Variants in PITPNM2 observed in about 807,000 individuals in gnomAD.
PITPNM2 encodes the protein phosphatidylinositol transfer protein membrane associated 2.
In PITPNM2, 35 loss-of-function variants were observed where a neutral mutation model predicts 132.2. The observed-to-expected ratio is 0.26, with a 90% CI of 0.20 to 0.35. The LOEUF (loss-of-function observed/expected upper bound fraction) is 0.35, where lower values mean the gene tolerates loss of function less well. Among genes scored for constraint, PITPNM2 ranks in the 10% least tolerant of loss-of-function variants. The pLI is 1.00. For missense variants in PITPNM2, 1,332 were observed against 1,912.0 expected (o/e 0.70, Z 5.66); for synonymous variants, 738 against 799.2 (o/e 0.92, Z 1.29).
chr12:123,032,921 G>T (rs2040144147), intron 3 of PITPNM2, among the ~76,000 whole-genome samples: 1 of 152,178 alleles, frequency 6.6e-6, no homozygotes, highest in Non-Finnish European at 1.5e-5. Context: ...CCCAGCCAAG[G>T]CTCCCACATA....
intron 1 of PITPNM2, among the ~76,000 whole-genome samples, chr12:123,118,484 T>A (rs551635841): frequency 1.3e-5 from 2 of 152,232 alleles, no homozygotes; most frequent in Non-Finnish European, 2.9e-5. Flanking sequence ...GAGTAAAATC[T>A]TAGCTGTGTG....
At chr12:123,067,338 C>T (rs1267606845) in intron 2 of PITPNM2, among the ~76,000 whole-genome samples, 1 of 152,088 alleles carries the variant, frequency 6.6e-6, no homozygotes, top group Non-Finnish European at 1.5e-5. Flanking sequence ...TGCTTGTAAT[C>T]CCAGCTACTC....
In PITPNM2 at chr12:122,990,601, A is replaced by G. The variant is rs1180237969; in HGVS notation, c.2513T>C (p.Ile838Thr). The change falls in exon 17 of 26, where the codon ATC becomes ACC. Residue 838 changes from isoleucine (I) to threonine (T), a missense_variant. Around this residue, in one of 6 missense-constraint regions of PITPNM2, gnomAD observed 710 missense variants for 911.5 expected, o/e 0.78. Transcript: ENST00000320201. Reference protein sequence around the residue: ...RGFRRASEISIASQVSGMAES... With the variant: ...RGFRRASEISTASQVSGMAES... ...AGCCATGCCTGACACCTGGCTGGCGATGCTGATCTCACTGGCTCGGCGGAA... is the reference window on the plus strand; with the variant it reads ...AGCCATGCCTGACACCTGGCTGGCGGTGCTGATCTCACTGGCTCGGCGGAA... 6.2e-7 allele frequency: 1 copy of G among 1,612,790 alleles called. No individual in the cohort carries two copies. Among genetic ancestry groups the G allele is most frequent in the Admixed American group, 1.7e-5 (1 of 60,018 alleles).
At chr12:122,995,113 T>A in intron 14 of PITPNM2, 134 bp from the exon 15 acceptor site, 1 of 1,076,870 alleles carries the variant, frequency 9.3e-7, no homozygotes, top group Non-Finnish European at 1.3e-6. Context: ...CTGGACCACC[T>A]GCCCCTGGTC....
intron 1 of PITPNM2, among the ~76,000 whole-genome samples, chr12:123,148,456 G>A (rs377545023): frequency 1.2e-4 from 18 of 152,090 alleles, no homozygotes; most frequent in African/African-American, 3.1e-4. Flanking sequence ...AGTACCAGAC[G>A]TTTCCTCTGC....
chr12:123,134,056 C>T (rs1727316), intron 1 of PITPNM2, among the ~76,000 whole-genome samples: 95,817 of 152,010 alleles, frequency 0.63, 35,050 homozygotes, highest in East Asian at 0.97. Context: ...ATATCTCCAA[C>T]CAGGAGCTAC....
intron 2 of PITPNM2, among the ~76,000 whole-genome samples, chr12:123,060,145 T>A (rs372738247): frequency 3.0e-4 from 46 of 152,126 alleles, no homozygotes; most frequent in Admixed American, 1.9e-3. Flanking sequence ...GTTTTCCATG[T>A]TGACCTTTAT....
At chr12:122,999,941 T>A (rs2136151495) in intron 10 of PITPNM2, among the ~76,000 whole-genome samples, 1 of 152,274 alleles carries the variant, frequency 6.6e-6, no homozygotes. Flanking sequence ...GGGAAAGGGA[T>A]CCGTTTGCTT....
intron 3 of PITPNM2, 194 bp downstream of exon 3, chr12:123,034,319 T>A: frequency 3.7e-6 from 2 of 535,378 alleles, no homozygotes; most frequent in Non-Finnish European, 3.3e-6. Flanking sequence ...TCTGATGCCG[T>A]GCGCCCATGG....
chr12:123,056,519 G>A (rs1212510328), intron 2 of PITPNM2, among the ~76,000 whole-genome samples: 3 of 152,190 alleles, frequency 2.0e-5, no homozygotes, highest in African/African-American at 7.2e-5. Flanking sequence ...CATGGGCCTG[G>A]GTCAGGTTCT....
chr12:122,997,537 G>A lies in PITPNM2; in HGVS notation c.1260C>T (p.Ser420=), dbSNP rs1054762094. 7 of 1,612,828 alleles carry A rather than the reference G, an allele frequency of 4.3e-6. No homozygotes were observed. In the African/African-American group the frequency reaches 9.3e-5, roughly 22 times the overall value. The change falls in exon 11 of 26, where the codon TCC becomes TCT. Residue 420 remains serine (S), a synonymous_variant. Transcript: ENST00000320201. ...EVSQPLAAPP[S]KIHVLLLVLH... ...GCACCAGTAGCAGCACGTGGATCTT[G>A]GAGGGCGGTGCAGCCAGCGGCTGGC...
Position 123,108,964 on chromosome 12 carries a change from G to A in PITPNM2, c.-96+1421C>T, listed in dbSNP as rs553356947. ...GCCATGTGCTTCCAGGTCTAGACTC[G>A]GGGTCCAATCCCAATCCCACCACTG... On this transcript the variant is annotated intron_variant, in intron 2 of 25. Transcript: ENST00000320201. The surrounding 1 kb of genome is among the most constrained non-coding windows in gnomAD (Gnocchi z 4.4). Among the ~76,000 whole-genome samples, 7 of 152,264 alleles carry A rather than the reference G, an allele frequency of 4.6e-5. No homozygotes were observed. The highest frequency in any genetic ancestry group is 3.3e-4 in the Admixed American group (5 of 15,298).
At chr12:123,055,965 T>G (rs2041012414) in intron 2 of PITPNM2, among the ~76,000 whole-genome samples, 1 of 152,160 alleles carries the variant, frequency 6.6e-6, no homozygotes, top group Non-Finnish European at 1.5e-5. Flanking sequence ...GTGGCACCTT[T>G]TTATGATGTG....
chr12:123,027,891 C>T (rs2039923252), intron 3 of PITPNM2, among the ~76,000 whole-genome samples: 3 of 152,248 alleles, frequency 2.0e-5, no homozygotes, highest in Non-Finnish European at 4.4e-5. Flanking sequence ...CAGGCCCCTC[C>T]TGGCACAGCT....
rs1484978189 is a variant in PITPNM2 at position 123,150,076 on chromosome 12, G to A, written c.-200+677C>T. On this transcript the variant is annotated intron_variant, in intron 1 of 25. Coordinates refer to ENST00000320201, the MANE Select transcript of PITPNM2 (RefSeq NM_020845.3). The surrounding 1 kb of genome is among the most constrained non-coding windows in gnomAD (Gnocchi z 6.0). ...GCACCGCGCGCACTATGTTCACCTG[G>A]AGTGGCCGTTTGGGATTTCTTGCGG... The A allele has an allele frequency of 1.3e-5, 2 of 152,794 alleles. No individual in the cohort carries two copies. The highest frequency in any genetic ancestry group is 2.9e-5 in the Non-Finnish European group (2 of 68,556). The allele number at this position is 152,794 out of a possible 1,614,324, so 9.5% of individuals were successfully genotyped here.
intron 3 of PITPNM2, among the ~76,000 whole-genome samples, chr12:123,025,360 G>A (rs2039819432): frequency 6.6e-6 from 1 of 151,932 alleles, no homozygotes; most frequent in Admixed American, 6.5e-5. Context: ...TCTGGGTGAG[G>A]CCATAGGTGA....
At chr12:123,062,688 T>C (rs2041282779) in intron 2 of PITPNM2, among the ~76,000 whole-genome samples, 1 of 152,176 alleles carries the variant, frequency 6.6e-6, no homozygotes, top group Non-Finnish European at 1.5e-5. Context: ...ATAAAGACTA[T>C]AAATAGCCTC....
chr12:122,989,807 G>C lies in PITPNM2; in HGVS notation c.2711C>G (p.Pro904Arg). Reference protein sequence around the residue: ...SPGLERAPGLPELDIGEVAAK... With the variant: ...SPGLERAPGLRELDIGEVAAK... The stretch of plus-strand genomic sequence containing the variant: ...GGTACCTTCTCCAATGTCCAGCTCA[G>C]GGAGGCCAGGGGCCCTCTCCAGGCC... The change falls in exon 18 of 26, where the codon CCT becomes CGT. Residue 904 changes from proline (P) to arginine (R), a missense_variant. Coordinates refer to ENST00000320201, the MANE Select transcript of PITPNM2 (RefSeq NM_020845.3). 2.1e-6 allele frequency: 3 copies of C among 1,407,514 alleles called. No homozygotes were observed. The highest frequency in any genetic ancestry group is 2.8e-6 in the Non-Finnish European group (3 of 1,077,510). The allele number at this position is 1,407,514 out of a possible 1,614,324, so 87.2% of individuals were successfully genotyped here.
Position 122,994,840 on chromosome 12 carries a change from C to G in PITPNM2, c.2194G>C (p.Val732Leu), listed in dbSNP as rs780660369. Residue 732 changes from valine (V) to leucine (L), a missense_variant, in exon 15 of 26, where the codon GTC becomes CTC. Val to Leu is a conservative substitution (Grantham distance 32). This residue lies in a region of PITPNM2 where 710 missense variants were observed against 911.5 expected (regional missense o/e 0.78). Transcript: ENST00000320201. The surrounding 1 kb of genome is among the most constrained non-coding windows in gnomAD (Gnocchi z 5.4). ...ATGACAGTCTTCCTCAAGGCCAGGA[C>G]CAGCCCCAGCGGGCACCCGAAGAGG... Reference protein sequence around the residue: ...LFLFGCPLGLVLALRKTVIPA... With the variant: ...LFLFGCPLGLLLALRKTVIPA... 1.2e-6 allele frequency: 2 copies of G among 1,611,610 alleles called. No homozygotes were observed. The highest frequency in any genetic ancestry group is 1.3e-5 in the African/African-American group (1 of 74,914).
Sources: gnomAD v4.1 joint callset for allele counts (sites outside exome capture counted in the v4.1 genomes callset) on GRCh38, gnomAD v4.1.1 for gene constraint, gnomAD v4.1.1 regional missense constraint, Gnocchi (gnomAD v3.1) non-coding constraint, MANE v1.5 for transcripts, NCBI Gene and HGNC (gene_info 2026-07-23, HGNC 2026-07-21) for gene names.